Variants in MYCBP2 observed in about 807,000 individuals in gnomAD.
MYCBP2 encodes the protein MYC binding protein 2, also known as E3 ubiquitin-protein ligase MYCBP2.
In MYCBP2, 120 loss-of-function variants were observed where a neutral mutation model predicts 525.3. The observed-to-expected ratio is 0.23, with a 90% CI of 0.20 to 0.27. The LOEUF (loss-of-function observed/expected upper bound fraction) is 0.27, where lower values mean the gene tolerates loss of function less well. MYCBP2 is among the 10% of genes least tolerant of loss of function. MYCBP2 has a pLI of 1.00. For missense variants in MYCBP2, 4,149 were observed against 5,657.1 expected (o/e 0.73, Z 8.55); for synonymous variants, 1,894 against 1,955.8 (o/e 0.97, Z 0.83).
At chr13:77,145,201 T>C (rs2055333230) in intron 48 of MYCBP2, among the ~76,000 whole-genome samples, 1 of 152,170 alleles carries the variant, frequency 6.6e-6, no homozygotes, top group Admixed American at 6.6e-5. Flanking sequence ...ACTGCTGATG[T>C]CAAAGTCACC....
chr13:77,225,314 G>C (rs1163170648), intron 19 of MYCBP2, 121 bp downstream of exon 19: 1 of 1,299,120 alleles, frequency 7.7e-7, no homozygotes, highest in Non-Finnish European at 1.1e-6. Flanking sequence ...ACAGATTTGA[G>C]AGACTGCCAC....
chr13:77,262,631 CTA>C (rs201071696), intron 10 of MYCBP2, among the ~76,000 whole-genome samples: 2,355 of 151,962 alleles, frequency 0.015, 35 homozygotes, highest in South Asian at 0.048. Flanking sequence ...GATTCTCTGC[CTA>C]TGTCTTTTTC....
chr13:77,066,781 TA>T, intron 71 of MYCBP2, among the ~76,000 whole-genome samples: 1 of 152,374 alleles, frequency 6.6e-6, no homozygotes, highest in South Asian at 2.1e-4. Flanking sequence ...ATTTTGCAAT[TA>T]TTTTAATCTA....
intron 1 of MYCBP2, among the ~76,000 whole-genome samples, chr13:77,310,587 T>C (rs73223455): frequency 2.4e-4 from 37 of 152,288 alleles, no homozygotes; most frequent in Non-Finnish European, 4.9e-4. Flanking sequence ...TATAGACACA[T>C]ATGATATCAA....
At chr13:77,158,653 GC>G (rs1041171540) in intron 44 of MYCBP2, among the ~76,000 whole-genome samples, 1 of 152,040 alleles carries the variant, frequency 6.6e-6, no homozygotes, top group Admixed American at 6.6e-5. Flanking sequence ...TTGCTATGTT[GC>G]CCAGGCTGGT....
intron 61 of MYCBP2, among the ~76,000 whole-genome samples, chr13:77,087,993 A>T (rs2044656570): frequency 6.6e-6 from 1 of 152,030 alleles, no homozygotes; most frequent in Non-Finnish European, 1.5e-5. Flanking sequence ...CATGTTGCCC[A>T]CGCTGGTCTC....
intron 3 of MYCBP2, among the ~76,000 whole-genome samples, chr13:77,282,301 T>C (rs1287452338): frequency 6.6e-6 from 1 of 151,900 alleles, no homozygotes; most frequent in Non-Finnish European, 1.5e-5. Flanking sequence ...TCCCAGCTAC[T>C]TGGGAGGCTG....
At chr13:77,317,037 C>T (rs1040718368) in intron 1 of MYCBP2, among the ~76,000 whole-genome samples, 5 of 152,084 alleles carry the variant, frequency 3.3e-5, no homozygotes, top group Non-Finnish European at 5.9e-5. Flanking sequence ...GCAACCTCCA[C>T]ATCCCAGGTT....
intron 82 of MYCBP2, among the ~76,000 whole-genome samples, chr13:77,048,745 C>T (rs1231136428): frequency 6.6e-6 from 1 of 152,194 alleles, no homozygotes. Flanking sequence ...TTCCTTCCTT[C>T]TGCCAACTCT....
chr13:77,238,018 C>T (rs184003002), intron 17 of MYCBP2, among the ~76,000 whole-genome samples: 3 of 151,956 alleles, frequency 2.0e-5, no homozygotes, highest in Admixed American at 6.5e-5. Flanking sequence ...CCAAGGCAGG[C>T]GGATTACAAG....
chr13:77,238,693 G>C (rs1350011203), intron 17 of MYCBP2, among the ~76,000 whole-genome samples: 1 of 152,130 alleles, frequency 6.6e-6, no homozygotes, highest in East Asian at 1.9e-4. Flanking sequence ...AAATTAAAAA[G>C]TTCCAAATGT....
At chr13:77,263,904 G>T (rs766626476) in intron 9 of MYCBP2, 25 bp downstream of exon 9, 58 of 1,607,008 alleles carry the variant, frequency 3.6e-5, no homozygotes, top group Non-Finnish European at 4.9e-5. Flanking sequence ...ATTTACACTA[G>T]CTACTTAAGA....
At chr13:77,302,642 G>A (rs1350773227) in intron 1 of MYCBP2, among the ~76,000 whole-genome samples, 1 of 152,034 alleles carries the variant, frequency 6.6e-6, no homozygotes, top group Non-Finnish European at 1.5e-5. Flanking sequence ...AAATACTGAA[G>A]GAAAGTCTTC....
At chr13:77,126,644 A>G (rs2051718097) in intron 52 of MYCBP2, 102 bp from the exon 53 acceptor site, 2 of 766,732 alleles carry the variant, frequency 2.6e-6, no homozygotes, top group East Asian at 5.6e-5. Context: ...CAGTACTGTC[A>G]ATATAAAAAA....
intron 14 of MYCBP2, among the ~76,000 whole-genome samples, chr13:77,252,352 CCT>C (rs967127234): frequency 2.6e-5 from 4 of 152,242 alleles, no homozygotes; most frequent in African/African-American, 9.6e-5. Flanking sequence ...ACTCTGCAGA[CCT>C]CTGCTCTAGA....
At position 77,174,456 on chromosome 13, in the gene MYCBP2, A is replaced by C; in HGVS notation, c.5506T>G (p.Tyr1836Asp). ...TCTCCATTGGCTGTACGGCTTCCAT[A>C]GTTCCTCAAGCGCACAGCATATTTA... ...NVKYAVRLRN[Y>D]GSRTANGDGG... The change falls in exon 37 of 83, where the codon TAT (tyrosine) becomes GAT (aspartate). Residue 1836 changes from tyrosine to aspartate, a missense_variant. Around this residue, in one of 21 missense-constraint regions of MYCBP2, gnomAD observed 109 missense variants for 118.9 expected, o/e 0.92. Transcript: ENST00000544440. 2 of 1,614,086 alleles carry C rather than the reference A, an allele frequency of 1.2e-6. No individual in the cohort carries two copies. The highest frequency in any genetic ancestry group is 1.7e-6 in the Non-Finnish European group (2 of 1,179,980).
intron 54 of MYCBP2, among the ~76,000 whole-genome samples, chr13:77,124,383 G>T (rs1369508963): frequency 6.6e-6 from 1 of 152,098 alleles, no homozygotes; most frequent in Non-Finnish European, 1.5e-5. Flanking sequence ...GGAATAATAA[G>T]TATTATAAAT....
At chr13:77,061,033 AG>A in intron 76 of MYCBP2, 135 bp downstream of exon 76, 1 of 985,030 alleles carries the variant, frequency 1.0e-6, no homozygotes, top group Non-Finnish European at 1.4e-6. Flanking sequence ...CTATATATTT[AG>A]TAAATATATA....
At chr13:77,108,678 A>G (rs2048253197) in intron 55 of MYCBP2, among the ~76,000 whole-genome samples, 1 of 151,996 alleles carries the variant, frequency 6.6e-6, no homozygotes, top group South Asian at 2.1e-4. Context: ...AACCAAAAAC[A>G]GAAGTGCTTT....
Sources: gnomAD v4.1 joint callset for allele counts (sites outside exome capture counted in the v4.1 genomes callset) on GRCh38, gnomAD v4.1.1 for gene constraint, gnomAD v4.1.1 regional missense constraint, MANE v1.5 for transcripts, NCBI Gene and HGNC (gene_info 2026-07-23, HGNC 2026-07-21) for gene names.